DEPDC7: variants seen among roughly 807,000 people sequenced by gnomAD.
DEPDC7 encodes DEP domain containing 7, also known as DEP domain-containing protein 7.
A neutral mutation model predicts 56.6 loss-of-function variants in DEPDC7; 41 were observed. The ratio of observed to expected loss-of-function variants is 0.72; its 90% confidence interval spans 0.56 to 0.94. DEPDC7 has a LOEUF of 0.94. Among genes scored for constraint, DEPDC7 ranks in the 40% least tolerant of loss-of-function variants. The probability of loss-of-function intolerance (pLI) is 0.00; values close to 1 mark genes in which losing one functional copy is unlikely to be tolerated. For missense variants in DEPDC7, 522 were observed against 596.3 expected, an observed-to-expected ratio of 0.88 and a Z score of 1.30; for synonymous variants, 185 against 208.8, an observed-to-expected ratio of 0.89 and a Z score of 0.98.
chr11:33,028,934 G>A (rs1347508971), intron 4 of DEPDC7, 142 bp downstream of exon 4: 4 of 529,358 alleles, frequency 7.6e-6, no homozygotes, highest in South Asian at 1.5e-4. Flanking sequence ...AGAATGTGAA[G>A]AACAAAATTA....
chr11:33,032,798 A>G lies in DEPDC7; in HGVS notation c.1263+5A>G, dbSNP rs561212601. On this transcript the variant is annotated splice_donor_5th_base_variant and intron_variant, in intron 7 of 8. Transcript: ENST00000241051. ...CATCAGAAAGATGTTTTTAAGGTAA[A>G]ATTGTGAAAGTAGTTAAATTGAGCT... 2 of 1,597,708 alleles carry G rather than the reference A, an allele frequency of 1.3e-6. No individual in the cohort carries two copies. The highest frequency in any genetic ancestry group is 1.4e-5 in the African/African-American group (1 of 73,996).
chr11:33,033,348 A>G lies in DEPDC7; in HGVS notation c.1429A>G (p.Lys477Glu). Residue 477 changes from lysine to glutamate, a missense_variant, in exon 9 of 9, where the codon AAA becomes GAA. Lys to Glu is a moderately conservative substitution (Grantham distance 56). Coordinates refer to ENST00000241051, the MANE Select transcript of DEPDC7 (RefSeq NM_001077242.2). ...TTKDELLNLL[K>E]TLDEDSKLSA... is the part of the protein sequence containing the mutation. ...CAAAGATGAGCTGTTGAATTTACTA[A>G]AAACTCTTGATGAGGATTCAAAACT... 2 of 1,611,476 alleles carry G rather than the reference A, an allele frequency of 1.2e-6. No homozygotes were observed. The highest frequency in any genetic ancestry group is 3.4e-5 in the Admixed American group (2 of 59,282).
In DEPDC7 at chr11:33,033,466, T is replaced by C. The variant is rs1480942702; in HGVS notation, c.*11T>C. 2.0e-6 allele frequency: 3 copies of C among 1,515,946 alleles called. No homozygotes were observed. Among genetic ancestry groups the C allele is most frequent in the Non-Finnish European group, 1.8e-6 (2 of 1,120,484 alleles). 93.9% of individuals were successfully genotyped at this position (1,515,946 alleles called of 1,614,324 possible). A position where few individuals can be genotyped will look rare whatever the true frequency, so the allele number is the denominator to read the frequency against. Reference sequence around the variant, plus strand: ...CATTTTGGAGACTGAGTTTTTAATATCTGTATATAAGTTGTGTATTTTAAG... The same window carrying C: ...CATTTTGGAGACTGAGTTTTTAATACCTGTATATAAGTTGTGTATTTTAAG... On this transcript the variant is annotated 3_prime_UTR_variant, in exon 9 of 9. Coordinates refer to ENST00000241051, the MANE Select transcript of DEPDC7 (RefSeq NM_001077242.2).
intron 1 of DEPDC7, among the ~76,000 whole-genome samples, chr11:33,024,455 A>G (rs1361297928): frequency 6.7e-5 from 10 of 150,044 alleles, no homozygotes; most frequent in South Asian, 2.1e-4. Context: ...TGTGTATACA[A>G]TCATGCGTAG....
intron 2 of DEPDC7, among the ~76,000 whole-genome samples, chr11:33,027,432 G>A (rs909762801): frequency 2.6e-5 from 4 of 152,098 alleles, no homozygotes; most frequent in Non-Finnish European, 4.4e-5. Context: ...ATGTTTGATC[G>A]CATTTTTAAA....
intron 2 of DEPDC7, among the ~76,000 whole-genome samples, chr11:33,026,997 A>G (rs1853586131): frequency 6.6e-6 from 1 of 152,186 alleles, no homozygotes; most frequent in Non-Finnish European, 1.5e-5. Context: ...AGGAAATATG[A>G]GGATAAAGTA....
rs541284258 is a variant in DEPDC7 at position 33,018,069 on chromosome 11, G to A, written c.73+2041G>A. Among the ~76,000 whole-genome samples, 8 of 152,206 alleles carry A rather than the reference G, an allele frequency of 5.3e-5. No homozygotes were observed. In the South Asian group the frequency reaches 1.2e-3, roughly 24 times the overall value. Reference sequence around the variant, plus strand: ...GTAGATATTGTAAATTTTTCTTGTTGGTAGACTTCTTTTACCTACCTGCAG... The same window carrying A: ...GTAGATATTGTAAATTTTTCTTGTTAGTAGACTTCTTTTACCTACCTGCAG... On this transcript the variant is annotated intron_variant, in intron 1 of 8. Transcript: ENST00000241051.
At chr11:33,031,839 TA>T (rs1477175308) in intron 5 of DEPDC7, among the ~76,000 whole-genome samples, 4 of 152,214 alleles carry the variant, frequency 2.6e-5, no homozygotes, top group Non-Finnish European at 5.9e-5. Flanking sequence ...AGCTTAAGCA[TA>T]AAGCAGCAAT....
intron 4 of DEPDC7, 31 bp downstream of exon 4, chr11:33,028,823 G>A: frequency 6.6e-7 from 1 of 1,506,048 alleles, no homozygotes. Flanking sequence ...TAATTTGAGT[G>A]TGTTTGTAGG....
chr11:33,030,878 C>T (rs540427926), intron 4 of DEPDC7, among the ~76,000 whole-genome samples: 39 of 152,280 alleles, frequency 2.6e-4, no homozygotes, highest in African/African-American at 8.4e-4. Context: ...GCCACCGCAC[C>T]AGGCCTGATG....
In DEPDC7 at chr11:33,025,909, T is replaced by G. The variant is rs1254580324; in HGVS notation, c.324T>G (p.Phe108Leu). 1 of 1,614,198 alleles carries G rather than the reference T, an allele frequency of 6.2e-7. No individual in the cohort carries two copies. The highest frequency in any genetic ancestry group is 2.2e-5 in the East Asian group (1 of 44,884). Residue 108 changes from phenylalanine to leucine, a missense_variant, in exon 2 of 9, where the codon TTT (phenylalanine) becomes TTG (leucine). Coordinates refer to ENST00000241051, the MANE Select transcript of DEPDC7 (RefSeq NM_001077242.2). ...VCQALMDYKV[F>L]EAVPTKVFGK... ...AAGCGCTTATGGACTACAAAGTATTTGAAGCAGTTCCAACCAAAGTCTTTG... is the reference window on the plus strand; with the variant it reads ...AAGCGCTTATGGACTACAAAGTATTGGAAGCAGTTCCAACCAAAGTCTTTG...
At chr11:33,030,743 C>T (rs1853624995) in intron 4 of DEPDC7, among the ~76,000 whole-genome samples, 1 of 152,134 alleles carries the variant, frequency 6.6e-6, no homozygotes, top group South Asian at 2.1e-4. Context: ...ACCACCACAC[C>T]CAGCTAATTT....
chr11:33,028,694 G>C lies in DEPDC7; in HGVS notation c.684G>C (p.Glu228Asp), dbSNP rs750350974. The C allele has an allele frequency of 1.6e-5, 26 of 1,613,648 alleles. No homozygotes were observed. Among genetic ancestry groups the C allele is most frequent in the Non-Finnish European group, 2.1e-5 (25 of 1,179,794 alleles). ...TTGACTCCTTACTGAAACAGCAAGA[G>C]GCTGTACCTAAAATTCCTCAACCTA... ...PLLDSLLKQQEAVPKIPQPKR... is the reference protein window; with the variant it reads ...PLLDSLLKQQDAVPKIPQPKR... The change falls in exon 4 of 9, where the codon GAG (glutamate) becomes GAC (aspartate). Residue 228 changes from glutamate (E) to aspartate (D), a missense_variant. By Grantham distance (45) the Glu-to-Asp change is conservative. Coordinates refer to ENST00000241051, the MANE Select transcript of DEPDC7 (RefSeq NM_001077242.2).
chr11:33,019,146 G>T (rs1241236938), intron 1 of DEPDC7, among the ~76,000 whole-genome samples: 1 of 152,126 alleles, frequency 6.6e-6, no homozygotes, highest in East Asian at 1.9e-4. Flanking sequence ...AAGTTTCCAT[G>T]TCTGAACAGT....
At chr11:33,028,509 A>G (rs1223307648) in intron 3 of DEPDC7, 94 bp from the exon 4 acceptor site, 2 of 1,033,208 alleles carry the variant, frequency 1.9e-6, no homozygotes, top group Non-Finnish European at 2.7e-6. Context: ...TTTGGCCACA[A>G]ATTTACTAGC....
chr11:33,031,719 G>T, intron 5 of DEPDC7, 130 bp downstream of exon 5: 1 of 758,182 alleles, frequency 1.3e-6, no homozygotes, highest in Middle Eastern at 3.9e-4. Context: ...TGGAAAGTAT[G>T]TTTGTTCAAA....
intron 1 of DEPDC7, chr11:33,016,728 A>T (rs968507550): frequency 2.6e-6 from 2 of 760,478 alleles, no homozygotes; most frequent in Non-Finnish European, 4.4e-6. Flanking sequence ...TTGATTTAGG[A>T]TTCTGGTTTC....
chr11:33,025,548 C>T (rs1853568074), intron 1 of DEPDC7, 111 bp from the exon 2 acceptor site: 1 of 1,058,286 alleles, frequency 9.4e-7, no homozygotes, highest in African/African-American at 1.6e-5. Context: ...ATAATTGCTC[C>T]TTATCAATAA....
At chr11:33,018,684 C>T (rs1247165709) in intron 1 of DEPDC7, among the ~76,000 whole-genome samples, 2 of 152,108 alleles carry the variant, frequency 1.3e-5, no homozygotes, top group African/African-American at 4.8e-5. Flanking sequence ...ATTTTAGATT[C>T]ACTAAATAGT....
Sources: allele counts gnomAD v4.1 joint callset (sites outside exome capture counted in the v4.1 genomes callset), GRCh38; gene constraint gnomAD v4.1.1; transcripts MANE v1.5; gene names NCBI Gene and HGNC (gene_info 2026-07-23, HGNC 2026-07-21).